BCL9L: variants seen among roughly 807,000 people sequenced by gnomAD.
BCL9L encodes B-cell CLL/lymphoma 9-like protein.
Under a neutral mutation model 99.4 loss-of-function variants are expected in BCL9L, and 19 were observed. The ratio of observed to expected loss-of-function variants is 0.19; its 90% CI spans 0.13 to 0.28. BCL9L has a LOEUF of 0.28. Ranked by LOEUF, BCL9L falls within the 10% of genes least tolerant of loss-of-function variation. The probability of loss-of-function intolerance (pLI) is 1.00; values close to 1 mark genes in which losing one functional copy is unlikely to be tolerated. For synonymous variants in BCL9L, 900 were observed against 854.8 expected, an observed-to-expected ratio of 1.05 and a Z score of -0.92; for missense variants, 2,023 against 2,101.6, an observed-to-expected ratio of 0.96 and a Z score of 0.73.
chr11:118,898,072 T>C lies in BCL9L; in HGVS notation c.*343A>G. 1 of 455,966 alleles carries C rather than the reference T, an allele frequency of 2.2e-6. No individual in the cohort carries two copies. Among genetic ancestry groups the C allele is most frequent in the Non-Finnish European group, 4.1e-6 (1 of 245,290 alleles). 28.2% of individuals were successfully genotyped at this position (455,966 alleles called of 1,614,324 possible). A position where few individuals can be genotyped will look rare whatever the true frequency, so the allele number is the denominator to read the frequency against. Reference sequence around the variant, plus strand: ...CTTCCTCTCTCCCCCCAGATTCCCATCCAGGACTCCAAAAGCATAGCTGAA... The same window carrying C: ...CTTCCTCTCTCCCCCCAGATTCCCACCCAGGACTCCAAAAGCATAGCTGAA... On this transcript the variant is annotated 3_prime_UTR_variant, in exon 10 of 10. Transcript: ENST00000683865.
chr11:118,925,533 G>A lies in BCL9L; in HGVS notation c.-426C>T, dbSNP rs1176311933. 6.6e-6 allele frequency: 1 copy of A among 152,146 alleles called. No individual in the cohort carries two copies. Among genetic ancestry groups the A allele is most frequent in the Non-Finnish European group, 1.5e-5 (1 of 68,054 alleles). 9.4% of individuals were successfully genotyped at this position (152,146 alleles called of 1,614,324 possible). A position where few individuals can be genotyped will look rare whatever the true frequency, so the allele number is the denominator to read the frequency against. ...CGCCGGGGCCGGGGCGCGGGGCCGG[G>A]GTCTCGGCCCCGAACCTCAGGGCTC... On this transcript the variant is annotated 5_prime_UTR_variant, in exon 1 of 10. Coordinates refer to ENST00000683865, the MANE Select transcript of BCL9L (RefSeq NM_001378213.1). The surrounding 1 kb of genome is among the most constrained non-coding windows in gnomAD (Gnocchi z 6.4).
In BCL9L at chr11:118,903,141, C is replaced by T; in HGVS notation, c.750-67G>A. ...GGAGGGAGCCCCACCCTCACCCACC[C>T]CACCCTGCCCCTGCACGGGGCTCCC... On this transcript the variant is annotated intron_variant, in intron 6 of 9. Transcript: ENST00000683865. This position sits in a 1 kb window ranked among gnomAD's most constrained non-coding sequence, Gnocchi z 5.6. 1 of 1,546,004 alleles carries T rather than the reference C, an allele frequency of 6.5e-7. No homozygotes were observed. Among genetic ancestry groups the T allele is most frequent in the East Asian group, 2.4e-5 (1 of 42,138 alleles).
rs752192028 is a variant in BCL9L, at chr11:118,901,231, G to T, written c.2512C>A (p.Pro838Thr). 2.5e-6 allele frequency: 4 copies of T among 1,613,988 alleles called. No individual in the cohort carries two copies. The East Asian group carries it at 6.7e-5, about 27-fold the overall frequency. The stretch of plus-strand genomic sequence containing the variant: ...TGGCCCTGGTTGGGAAACTGTGAAG[G>T]CATCAGCATCTTCTGCGGGCCGCCC... ...VMGGPQKMLM[P>T]SQFPNQGQQG... Residue 838 changes from proline to threonine, a missense_variant, in exon 8 of 10, where the codon CCT becomes ACT. Transcript: ENST00000683865. The surrounding 1 kb of genome is among the most constrained non-coding windows in gnomAD (Gnocchi z 6.6).
intron 1 of BCL9L, among the ~76,000 whole-genome samples, chr11:118,919,113 C>T (rs1418826776): frequency 5.2e-5 from 1 of 19,296 alleles, no homozygotes; most frequent in South Asian, 2.5e-3. Context: ...TGCCCCCCCC[C>T]CCCCGACCCC....
intron 1 of BCL9L, among the ~76,000 whole-genome samples, chr11:118,924,829 C>T (rs1411453344): frequency 6.6e-6 from 1 of 152,260 alleles, no homozygotes; most frequent in Non-Finnish European, 1.5e-5. Flanking sequence ...CCCAACCCAC[C>T]TCCTTCTGGA....
rs764301429 is a variant in BCL9L, at chr11:118,898,802, G to A, written c.4113C>T (p.Pro1371=). Residue 1371 remains proline, a synonymous_variant, in exon 10 of 10, where the codon CCC becomes CCT. Transcript: ENST00000683865. ...GGCCTGGGAGGTTGGGAGGCCGAGA[G>A]GGAGTCTGCTCCGCCATCATGTTCT... The part of the protein sequence containing the change: ...NLQNMMAEQT[P]SRPPNLPGQQ... The A allele has an allele frequency of 2.2e-5, 36 of 1,613,942 alleles. No homozygotes were observed. In the South Asian group the frequency reaches 3.6e-4, roughly 16 times the overall value.
chr11:118,920,703 T>A (rs1462653707), intron 1 of BCL9L, among the ~76,000 whole-genome samples: 2 of 151,884 alleles, frequency 1.3e-5, no homozygotes, highest in Non-Finnish European at 2.9e-5. Context: ...GGACAGGTGG[T>A]ATGAGGACCC....
chr11:118,901,764 G>C lies in BCL9L; in HGVS notation c.1979C>G (p.Pro660Arg). The change falls in exon 8 of 10, where the codon CCA (proline) becomes CGA (arginine). Residue 660 changes from proline (P) to arginine (R), a missense_variant. Coordinates refer to ENST00000683865, the MANE Select transcript of BCL9L (RefSeq NM_001378213.1). The surrounding 1 kb of genome is among the most constrained non-coding windows in gnomAD (Gnocchi z 6.6). ...TCGCTCCGCCTCACCCTGCCCACCT[G>C]GGTAGGGCATGGTGTTCTGGGCAAA... ...SNFAQNTMPY[P>R]GGQGEAERFM... 1 of 1,612,416 alleles carries C rather than the reference G, an allele frequency of 6.2e-7. No homozygotes were observed. Among genetic ancestry groups the C allele is most frequent in the Non-Finnish European group, 8.5e-7 (1 of 1,178,778 alleles).
Position 118,922,074 on chromosome 11 carries a change from G to A in BCL9L, c.-131+3164C>T, listed in dbSNP as rs963279233. On this transcript the variant is annotated intron_variant, in intron 1 of 9. Coordinates refer to ENST00000683865, the MANE Select transcript of BCL9L (RefSeq NM_001378213.1). This position sits in a 1 kb window ranked among gnomAD's most constrained non-coding sequence, Gnocchi z 6.2. ...AACACATGCCCACACCCAGGAAGTC[G>A]CCCCTCCCACGGCAGCCAGAATGCC... 3.3e-5 allele frequency among the ~76,000 whole-genome samples: 5 copies of A among 152,118 alleles called. No homozygotes were observed. Among genetic ancestry groups the A allele is most frequent in the Non-Finnish European group, 7.4e-5 (5 of 68,006 alleles).
chr11:118,923,387 C>T (rs902312343), intron 1 of BCL9L, among the ~76,000 whole-genome samples: 2 of 152,196 alleles, frequency 1.3e-5, no homozygotes, highest in South Asian at 2.1e-4. Flanking sequence ...GGTACCAGGA[C>T]TCCAAAGGCA....
In BCL9L at chr11:118,907,348, CAG is replaced by C. The variant is rs575557585; in HGVS notation, c.532+133_532+134del. Reference sequence around the variant, plus strand: ...GAGGCAGTTGCAGTGTAGGGAGGGACAGAGTCTGAGAGGTAGGATGGGAGAGA... The same window carrying C: ...GAGGCAGTTGCAGTGTAGGGAGGGACAGTCTGAGAGGTAGGATGGGAGAGA... On this transcript the variant is annotated intron_variant, in intron 5 of 9. Transcript: ENST00000683865. 2.7e-4 allele frequency: 398 copies of C among 1,447,588 alleles called. No homozygotes were observed. In the African/African-American group the frequency reaches 5.1e-3, roughly 19 times the overall value. The allele number at this position is 1,447,588 out of a possible 1,614,324, so 89.7% of individuals were successfully genotyped here.
chr11:118,898,128 A>C lies in BCL9L; in HGVS notation c.*287T>G. 4 of 543,360 alleles carry C rather than the reference A, an allele frequency of 7.4e-6. No individual in the cohort carries two copies. Among genetic ancestry groups the C allele is most frequent in the African/African-American group, 1.9e-5 (1 of 52,696 alleles). The allele number at this position is 543,360 out of a possible 1,614,324, so 33.7% of individuals were successfully genotyped here. The stretch of plus-strand genomic sequence containing the variant: ...TGTGGCGGGTGCAGGGATGCACGGA[A>C]AGAGGTAAAATAGAGAGGCTCCATA... On this transcript the variant is annotated 3_prime_UTR_variant, in exon 10 of 10. Transcript: ENST00000683865.
chr11:118,898,475 G>A lies in BCL9L; in HGVS notation c.4440C>T (p.Ser1480=). ...VSHPLRQRSV[S]LDSQMGYLPA... ...GGAGGTAGCCCATCTGGCTGTCCAG[G>A]GACACACTGCGCTGCCGAAGGGGGT... Residue 1480 remains serine, a synonymous_variant, in exon 10 of 10, where the codon TCC becomes TCT. Coordinates refer to ENST00000683865, the MANE Select transcript of BCL9L (RefSeq NM_001378213.1). 2 of 1,605,600 alleles carry A rather than the reference G, an allele frequency of 1.2e-6. No homozygotes were observed. Among genetic ancestry groups the A allele is most frequent in the South Asian group, 1.1e-5 (1 of 90,868 alleles).
rs1387134709 is a variant in BCL9L at position 118,902,336 on chromosome 11, C to T, written c.1407G>A (p.Leu469=). The T allele has an allele frequency of 2.9e-5, 45 of 1,540,482 alleles. No homozygotes were observed. The highest frequency in any genetic ancestry group is 3.7e-5 in the Non-Finnish European group (42 of 1,144,718). The change falls in exon 8 of 10, where the codon TTG becomes TTA. Residue 469 remains leucine, a synonymous_variant. Coordinates refer to ENST00000683865, the MANE Select transcript of BCL9L (RefSeq NM_001378213.1). This position sits in a 1 kb window ranked among gnomAD's most constrained non-coding sequence, Gnocchi z 7.8. ...TCTGTGTCTGTGAAATCATGGACTG[C>T]AAGGGTTCCTCATATTTCTTCAGCC... The part of the protein sequence containing the change: ...PSGLKKYEEP[L]QSMISQTQSL...
rs753094912 is a variant in BCL9L, at chr11:118,922,215, G to A, written c.-131+3023C>T. The stretch of plus-strand genomic sequence containing the variant: ...GCTCAGAGGCCTGGCCCTGGCACCA[G>A]GCAGAGGAAATTCCAGGCTGTAAGT... On this transcript the variant is annotated intron_variant, in intron 1 of 9. Transcript: ENST00000683865. This position sits in a 1 kb window ranked among gnomAD's most constrained non-coding sequence, Gnocchi z 6.2. Among the ~76,000 whole-genome samples the A allele has an allele frequency of 1.3e-5, 2 of 152,226 alleles. No individual in the cohort carries two copies. Among genetic ancestry groups the A allele is most frequent in the Non-Finnish European group, 2.9e-5 (2 of 68,026 alleles).
chr11:118,923,204 CCT>C (rs1184554197), intron 1 of BCL9L, among the ~76,000 whole-genome samples: 1 of 152,146 alleles, frequency 6.6e-6, no homozygotes, highest in East Asian at 1.9e-4. Flanking sequence ...CAGTCACTCC[CCT>C]GATAGGCAGG....
rs1022293245 is a variant in BCL9L at position 118,900,101 on chromosome 11, G to T, written c.3222C>A (p.Ser1074=). The part of the protein sequence containing the change: ...LMNPSLPFTS[S]PDPTPSQNPL... ...GGTTCTGGGAAGGTGTGGGGTCTGG[G>T]GAGGAAGTGAATGGTAGGCTGGGGT... The change falls in exon 9 of 10, where the codon TCC becomes TCA. Residue 1074 remains serine, a synonymous_variant. Transcript: ENST00000683865. The surrounding 1 kb of genome is among the most constrained non-coding windows in gnomAD (Gnocchi z 5.3). 15 of 1,614,024 alleles carry T rather than the reference G, an allele frequency of 9.3e-6. No individual in the cohort carries two copies. Among genetic ancestry groups the T allele is most frequent in the Non-Finnish European group, 1.2e-5 (14 of 1,179,954 alleles).
In BCL9L at chr11:118,914,356, C is replaced by A. The variant is rs984562090; in HGVS notation, c.-76-4341G>T. Among the ~76,000 whole-genome samples the A allele has an allele frequency of 6.6e-6, 1 of 152,276 alleles. No homozygotes were observed. The highest frequency in any genetic ancestry group is 2.4e-5 in the African/African-American group (1 of 41,548). ...AGCAGACTGCTGGCACAGCCAAGCG[C>A]ACCACGGTGGGACCTCACCCAGCGC... On this transcript the variant is annotated intron_variant, in intron 2 of 9. Coordinates refer to ENST00000683865, the MANE Select transcript of BCL9L (RefSeq NM_001378213.1). This position sits in a 1 kb window ranked among gnomAD's most constrained non-coding sequence, Gnocchi z 4.4.
intron 3 of BCL9L, among the ~76,000 whole-genome samples, 181 bp downstream of exon 3, chr11:118,909,733 G>A (rs1940700325): frequency 6.6e-6 from 1 of 151,970 alleles, no homozygotes; most frequent in Non-Finnish European, 1.5e-5. Flanking sequence ...GGCTGGCTGC[G>A]CCTCCTGCCT....
Sources: allele counts gnomAD v4.1 joint callset (sites outside exome capture counted in the v4.1 genomes callset), GRCh38; gene constraint gnomAD v4.1.1; non-coding constraint Gnocchi (gnomAD v3.1); transcripts MANE v1.5; gene names NCBI Gene and HGNC (gene_info 2026-07-23, HGNC 2026-07-21).